The following FBXO48 variants were observed in gnomAD, a reference collection of about 807,000 sequenced individuals.
FBXO48 encodes the protein F-box only protein 48.
FBXO48 carries 12 observed loss-of-function variants against 14.3 expected under a neutral mutation model. That is an observed-to-expected ratio of 0.84 (90% CI 0.54 to 1.36). FBXO48 has a LOEUF of 1.36. Ranked by LOEUF, FBXO48 falls within the 40% of genes most tolerant of loss-of-function variation. FBXO48 has a pLI of 0.00. For synonymous variants in FBXO48, 53 were observed against 61.7 expected, an observed-to-expected ratio of 0.86 and a Z score of 0.66; for missense variants, 177 against 179.1, an observed-to-expected ratio of 0.99 and a Z score of 0.07.
chr2:68,463,009 T>G lies in FBXO48; in HGVS notation c.*1200A>C, dbSNP rs1239994629. 1.3e-5 allele frequency: 2 copies of G among 152,196 alleles called. No homozygotes were observed. The highest frequency in any genetic ancestry group is 4.8e-5 in the African/African-American group (2 of 41,442). 9.4% of individuals were successfully genotyped at this position (152,196 alleles called of 1,614,324 possible). A position where few individuals can be genotyped will look rare whatever the true frequency, so the allele number is the denominator to read the frequency against. ...AAATTACTGAATAGTCCTGGACACT[T>G]GACTGCCTGATTTTCAAGGACTCTT... On this transcript the variant is annotated 3_prime_UTR_variant, in exon 4 of 4. Transcript: ENST00000377957.
At position 68,465,113 on chromosome 2, in the gene FBXO48, T is replaced by C; in HGVS notation, c.33A>G (p.Leu11=). 6.2e-7 allele frequency: 1 copy of C among 1,610,540 alleles called. No homozygotes were observed. The highest frequency in any genetic ancestry group is 8.5e-7 in the Non-Finnish European group (1 of 1,178,146). ...AGTTCGCTTCTGTGTGAGAAACTCT[T>C]AAATTATTGTTTCTCTTGGAGTTTT... is the stretch of plus-strand genomic sequence containing the variant. MHKNSKRNNN[L]RVSHTEANSV... Residue 11 remains leucine, a synonymous_variant, in exon 3 of 4, where the codon TTA becomes TTG. Coordinates refer to ENST00000377957, the MANE Select transcript of FBXO48 (RefSeq NM_001024680.3).
intron 2 of FBXO48, 99 bp from the exon 3 acceptor site, chr2:68,465,277 G>A (rs1405753623): frequency 2.1e-5 from 14 of 659,484 alleles, no homozygotes; most frequent in Middle Eastern, 4.2e-4. Context: ...ACTCTTTCTT[G>A]ACTTTAGCTT....
chr2:68,465,232 C>T (rs1675371516), intron 2 of FBXO48, 54 bp from the exon 3 acceptor site: 5 of 893,684 alleles, frequency 5.6e-6, no homozygotes, highest in Middle Eastern at 3.4e-4. Flanking sequence ...ATAAATCCTA[C>T]TTTAAGTCAG....
Position 68,465,057 on chromosome 2 carries a change from C to T in FBXO48, c.89G>A (p.Ser30Asn). The T allele has an allele frequency of 6.2e-7, 1 of 1,613,862 alleles. No homozygotes were observed. Among genetic ancestry groups the T allele is most frequent in the Non-Finnish European group, 8.5e-7 (1 of 1,179,970 alleles). ...SVDAEKEKNE[S>N]QNNFFELLPA... Reference sequence around the variant, plus strand: ...CAGCAGTTCAAAAAAGTTGTTTTGACTCTCATTTTTTTCCTTCTCAGCATC... The same window carrying T: ...CAGCAGTTCAAAAAAGTTGTTTTGATTCTCATTTTTTTCCTTCTCAGCATC... Residue 30 changes from serine (S) to asparagine (N), a missense_variant, in exon 3 of 4, where the codon AGT (serine) becomes AAT (asparagine). By Grantham distance (46) the Ser-to-Asn change is conservative. Coordinates refer to ENST00000377957, the MANE Select transcript of FBXO48 (RefSeq NM_001024680.3).
rs1675329984 is a variant in FBXO48, at chr2:68,463,973, GTATAT to G, written c.*231_*235del. ...ATTGTATTTGGAAATCACTCTATCA[GTATAT>G]TATTTCTTATAAAAATAACATTTCA... On this transcript the variant is annotated 3_prime_UTR_variant, in exon 4 of 4. Transcript: ENST00000377957. 2.5e-6 allele frequency: 1 copy of G among 404,982 alleles called. No individual in the cohort carries two copies. The highest frequency in any genetic ancestry group is 2.0e-5 in the African/African-American group (1 of 50,124). The allele number at this position is 404,982 out of a possible 1,614,324, so 25.1% of individuals were successfully genotyped here.
Position 68,463,621 on chromosome 2 carries a change from T to C in FBXO48, c.*588A>G, listed in dbSNP as rs963375115. The stretch of plus-strand genomic sequence containing the variant: ...ATATAAAATTAATGGGAATCTCAAT[T>C]GGACAAACTTTAGCCCTGAGATGAC... On this transcript the variant is annotated 3_prime_UTR_variant, in exon 4 of 4. Transcript: ENST00000377957. 2 of 152,160 alleles carry C rather than the reference T, an allele frequency of 1.3e-5. No homozygotes were observed. The highest frequency in any genetic ancestry group is 2.9e-5 in the Non-Finnish European group (2 of 68,042). 9.4% of individuals were successfully genotyped at this position (152,160 alleles called of 1,614,324 possible).
rs1411919069 is a variant in FBXO48 at position 68,464,199 on chromosome 2, T to C, written c.*10A>G. 1 of 1,611,192 alleles carries C rather than the reference T, an allele frequency of 6.2e-7. No homozygotes were observed. The highest frequency in any genetic ancestry group is 2.2e-5 in the East Asian group (1 of 44,814). On this transcript the variant is annotated 3_prime_UTR_variant, in exon 4 of 4. Coordinates refer to ENST00000377957, the MANE Select transcript of FBXO48 (RefSeq NM_001024680.3). ...TTTCAAAGACCTGAGATTTGTGATT[T>C]TTTTTCCCCTTATCTTTCCAGTTCT...
At position 68,463,230 on chromosome 2, in the gene FBXO48, C is replaced by T. The variant is rs905251481; in HGVS notation, c.*979G>A. On this transcript the variant is annotated 3_prime_UTR_variant, in exon 4 of 4. Coordinates refer to ENST00000377957, the MANE Select transcript of FBXO48 (RefSeq NM_001024680.3). Reference sequence around the variant, plus strand: ...CACTAACTAAAGCAGTTTGTAGACACTTTTTTACTATGGTGGTAACCACAG... The same window carrying T: ...CACTAACTAAAGCAGTTTGTAGACATTTTTTTACTATGGTGGTAACCACAG... The T allele has an allele frequency of 4.6e-5, 7 of 151,938 alleles. No homozygotes were observed. Among genetic ancestry groups the T allele is most frequent in the African/African-American group, 1.7e-4 (7 of 41,346 alleles). 9.4% of individuals were successfully genotyped at this position (151,938 alleles called of 1,614,324 possible).
At position 68,460,543 on chromosome 2, in the gene FBXO48, T is replaced by C. The variant is rs1256069447; in HGVS notation, c.*3666A>G. The C allele has an allele frequency of 6.7e-6, 1 of 150,320 alleles. No homozygotes were observed. The highest frequency in any genetic ancestry group is 6.6e-5 in the Admixed American group (1 of 15,042). 9.3% of individuals were successfully genotyped at this position (150,320 alleles called of 1,614,324 possible). A position where few individuals can be genotyped will look rare whatever the true frequency, so the allele number is the denominator to read the frequency against. On this transcript the variant is annotated 3_prime_UTR_variant, in exon 4 of 4. Transcript: ENST00000377957. ...TTGGATATATCAAATATTTTATATA[T>C]ATATATATATACTTATACTATCTTT...
rs1233796347 is a variant in FBXO48 at position 68,460,845 on chromosome 2, A to G, written c.*3364T>C. On this transcript the variant is annotated 3_prime_UTR_variant, in exon 4 of 4. Transcript: ENST00000377957. ...TAGGGAAAGAAAAGTCCAAGAGACT[A>G]TAGTTCCAACCCATGGAGGAGAGAG... 2 of 152,160 alleles carry G rather than the reference A, an allele frequency of 1.3e-5. No homozygotes were observed. The highest frequency in any genetic ancestry group is 4.8e-5 in the African/African-American group (2 of 41,404). 9.4% of individuals were successfully genotyped at this position (152,160 alleles called of 1,614,324 possible).
In FBXO48 at chr2:68,460,046, T is replaced by C. The variant is rs552901933; in HGVS notation, c.*4163A>G. On this transcript the variant is annotated 3_prime_UTR_variant, in exon 4 of 4. Coordinates refer to ENST00000377957, the MANE Select transcript of FBXO48 (RefSeq NM_001024680.3). ...TTTTGTAAGACTGAACAGAAAGATA[T>C]AGGGTGGGACAGTGGTTAGAGAACA... 8.5e-5 allele frequency: 13 copies of C among 152,284 alleles called. No homozygotes were observed. Among genetic ancestry groups the C allele is most frequent in the African/African-American group, 2.4e-4 (10 of 41,556 alleles). 9.4% of individuals were successfully genotyped at this position (152,284 alleles called of 1,614,324 possible). A position where few individuals can be genotyped will look rare whatever the true frequency, so the allele number is the denominator to read the frequency against.
chr2:68,465,078 G>T lies in FBXO48; in HGVS notation c.68C>A (p.Ala23Asp). 6.2e-7 allele frequency: 1 copy of T among 1,613,542 alleles called. No individual in the cohort carries two copies. The highest frequency in any genetic ancestry group is 8.5e-7 in the Non-Finnish European group (1 of 1,179,814). Residue 23 changes from alanine to aspartate, a missense_variant, in exon 3 of 4, where the codon GCT (alanine) becomes GAT (aspartate). Physicochemically the swap from Ala to Asp is moderately radical, Grantham distance 126 (BLOSUM62 -2). Coordinates refer to ENST00000377957, the MANE Select transcript of FBXO48 (RefSeq NM_001024680.3). Reference sequence around the variant, plus strand: ...TTGACTCTCATTTTTTTCCTTCTCAGCATCCACAGAGTTCGCTTCTGTGTG... The same window carrying T: ...TTGACTCTCATTTTTTTCCTTCTCATCATCCACAGAGTTCGCTTCTGTGTG... ...VSHTEANSVD[A>D]EKEKNESQNN...
rs1357349118 is a variant in FBXO48, at chr2:68,462,067, C to G, written c.*2142G>C. The G allele has an allele frequency of 6.6e-6, 1 of 152,404 alleles. No homozygotes were observed. The highest frequency in any genetic ancestry group is 1.5e-5 in the Non-Finnish European group (1 of 68,486). The allele number at this position is 152,404 out of a possible 1,614,324, so 9.4% of individuals were successfully genotyped here. ...AAAACAAAAAAACAAAAACAAAAAA[C>G]TGCCCCCCACCCCGGCCAAAAAAAA... On this transcript the variant is annotated 3_prime_UTR_variant, in exon 4 of 4. Coordinates refer to ENST00000377957, the MANE Select transcript of FBXO48 (RefSeq NM_001024680.3).
rs1675231125 is a variant in FBXO48, at chr2:68,460,417, T to C, written c.*3792A>G. The C allele has an allele frequency of 6.6e-6, 1 of 152,130 alleles. No homozygotes were observed. The highest frequency in any genetic ancestry group is 6.5e-5 in the Admixed American group (1 of 15,280). 9.4% of individuals were successfully genotyped at this position (152,130 alleles called of 1,614,324 possible). A position where few individuals can be genotyped will look rare whatever the true frequency, so the allele number is the denominator to read the frequency against. The stretch of plus-strand genomic sequence containing the variant: ...GATGGAGAAAAGTAAAATATGGTGA[T>C]TTTCTAACAGGACATGCCATTCACT... On this transcript the variant is annotated 3_prime_UTR_variant, in exon 4 of 4. Coordinates refer to ENST00000377957, the MANE Select transcript of FBXO48 (RefSeq NM_001024680.3).
At chr2:68,466,802 T>G (rs901188730) in intron 1 of FBXO48, among the ~76,000 whole-genome samples, 41 of 152,166 alleles carry the variant, frequency 2.7e-4, no homozygotes, top group African/African-American at 9.9e-4. Flanking sequence ...TACGTCCAGG[T>G]TCGCCTGGAT....
rs1198161666 is a variant in FBXO48, at chr2:68,462,048, A to AAAAAAC, written c.*2155_*2160dup. ...AGACTTCATCTCAAAAAACAAAACA[A>AAAAAAC]AAAAACAAAAACAAAAAACTGCCCC... is the stretch of plus-strand genomic sequence containing the variant. On this transcript the variant is annotated 3_prime_UTR_variant, in exon 4 of 4. Coordinates refer to ENST00000377957, the MANE Select transcript of FBXO48 (RefSeq NM_001024680.3). 1 of 152,416 alleles carries AAAAAAC rather than the reference A, an allele frequency of 6.6e-6. No homozygotes were observed. Among genetic ancestry groups the AAAAAAC allele is most frequent in the Non-Finnish European group, 1.5e-5 (1 of 68,394 alleles). The allele number at this position is 152,416 out of a possible 1,614,324, so 9.4% of individuals were successfully genotyped here.
chr2:68,466,542 C>G (rs957109448), intron 1 of FBXO48, 72 bp from the exon 2 acceptor site: 1 of 152,200 alleles, frequency 6.6e-6, no homozygotes, highest in African/African-American at 2.4e-5. Flanking sequence ...TTTTGCCATG[C>G]ACCTTGGCCC....
Position 68,464,905 on chromosome 2 carries a change from T to C in FBXO48, c.241A>G (p.Met81Val). 1 of 1,613,916 alleles carries C rather than the reference T, an allele frequency of 6.2e-7. No individual in the cohort carries two copies. Among genetic ancestry groups the C allele is most frequent in the Non-Finnish European group, 8.5e-7 (1 of 1,180,006 alleles). ...CTTCGGCACACAGCTCTTACAGTCA[T>C]GCAGTGAGGTTTCCATAAAGAGTCA... is the stretch of plus-strand genomic sequence containing the variant. ...NSDSLWKPHCMTVRAVCRREI... is the reference protein window; with the variant it reads ...NSDSLWKPHCVTVRAVCRREI... The change falls in exon 3 of 4, where the codon ATG becomes GTG. Residue 81 changes from methionine (M) to valine (V), a missense_variant. Coordinates refer to ENST00000377957, the MANE Select transcript of FBXO48 (RefSeq NM_001024680.3).
chr2:68,465,226 A>G (rs1282432060), intron 2 of FBXO48, 48 bp from the exon 3 acceptor site: 4 of 933,436 alleles, frequency 4.3e-6, no homozygotes, highest in Non-Finnish European at 6.3e-6. Context: ...AGGAGTATAA[A>G]TCCTACTTTA....
Sources: gnomAD v4.1 joint callset for allele counts (sites outside exome capture counted in the v4.1 genomes callset) on GRCh38, gnomAD v4.1.1 for gene constraint, MANE v1.5 for transcripts, NCBI Gene and HGNC (gene_info 2026-07-23, HGNC 2026-07-21) for gene names.